DOCK8: variants seen among roughly 807,000 people sequenced by gnomAD.
The protein encoded by DOCK8 is dedicator of cytokinesis 8, also known as dedicator of cytokinesis protein 8.
In DOCK8, 141 loss-of-function variants were observed where a neutral mutation model predicts 245.6. The ratio of observed to expected loss-of-function variants is 0.57; its 90% CI spans 0.50 to 0.66. The LOEUF is 0.66. DOCK8 is among the 30% of genes least tolerant of loss of function. The pLI, the probability that DOCK8 is intolerant of heterozygous loss-of-function variation, is 0.00. For missense variants in DOCK8, 2,965 were observed against 2,603.4 expected, an observed-to-expected ratio of 1.14 and a Z score of -3.02; for synonymous variants, 1,168 against 970.2, an observed-to-expected ratio of 1.20 and a Z score of -3.79.
intron 6 of DOCK8, chr9:312,875 G>C: frequency 5.6e-6 from 1 of 179,576 alleles, no homozygotes; most frequent in Non-Finnish European, 1.2e-5. Flanking sequence ...CTACACTTCT[G>C]GGTCTTGCCA....
At chr9:275,325 A>G (rs1199432735) in intron 2 of DOCK8, among the ~76,000 whole-genome samples, 3 of 152,192 alleles carry the variant, frequency 2.0e-5, no homozygotes, top group African/African-American at 7.2e-5. Context: ...GGTAATGTAG[A>G]ATATACTGGC....
At chr9:273,530 G>C (rs893899509) in intron 2 of DOCK8, among the ~76,000 whole-genome samples, 2 of 152,132 alleles carry the variant, frequency 1.3e-5, no homozygotes, top group Admixed American at 1.3e-4. Context: ...TTTTAAACAA[G>C]GTAGAGGGTT....
chr9:235,853 G>C (rs572416525), intron 1 of DOCK8, among the ~76,000 whole-genome samples: 1 of 152,176 alleles, frequency 6.6e-6, no homozygotes, highest in Non-Finnish European at 1.5e-5. Context: ...GCACTTCCCG[G>C]GTGAGGTGAT....
chr9:430,414 G>A (rs945099668), intron 36 of DOCK8, among the ~76,000 whole-genome samples: 1 of 151,858 alleles, frequency 6.6e-6, no homozygotes, highest in African/African-American at 2.4e-5. Context: ...AGGTGCAGTG[G>A]CTCATGTCTG....
chr9:271,734 G>C lies in DOCK8; in HGVS notation c.156+5G>C. 1 of 1,545,386 alleles carries C rather than the reference G, an allele frequency of 6.5e-7. No individual in the cohort carries two copies. Among genetic ancestry groups the C allele is most frequent in the South Asian group, 1.2e-5 (1 of 83,858 alleles). On this transcript the variant is annotated splice_donor_5th_base_variant and intron_variant, in intron 2 of 47. Transcript: ENST00000432829. Reference sequence around the variant, plus strand: ...GGCTTCCCCTCTCTTCAACTAGTAAGTATGAGTTCCAGGTTTACTTAGCGA... The same window carrying C: ...GGCTTCCCCTCTCTTCAACTAGTAACTATGAGTTCCAGGTTTACTTAGCGA...
chr9:418,080 G>A lies in DOCK8; in HGVS notation c.3713G>A (p.Arg1238His), dbSNP rs767874435. ...GTTTTCATTGCAGTTGCAGATACTC[G>A]CAGATACCGCACCAGTGGCTCGGAT... is the stretch of plus-strand genomic sequence containing the variant. ...QLCDFTVADT[R>H]RYRTSGSDEE... Residue 1238 changes from arginine to histidine, a missense_variant, in exon 30 of 48, where the codon CGC (arginine) becomes CAC (histidine). Coordinates refer to ENST00000432829, the MANE Select transcript of DOCK8 (RefSeq NM_203447.4). 1.1e-5 allele frequency: 17 copies of A among 1,614,038 alleles called. No homozygotes were observed. The African/African-American group carries it at 1.1e-4, about 10-fold the overall frequency.
intron 1 of DOCK8, among the ~76,000 whole-genome samples, chr9:243,820 C>T (rs1235782221): frequency 1.3e-5 from 2 of 152,104 alleles, no homozygotes; most frequent in Non-Finnish European, 2.9e-5. Flanking sequence ...TTTTTCTTCA[C>T]AACTCCATCA....
At chr9:222,772 G>C (rs2046913114) in intron 1 of DOCK8, among the ~76,000 whole-genome samples, 1 of 152,136 alleles carries the variant, frequency 6.6e-6, no homozygotes, top group African/African-American at 2.4e-5. Flanking sequence ...AATGATAAAG[G>C]TAGATTGTTC....
intron 43 of DOCK8, 37 bp downstream of exon 43, chr9:443,553 TA>T (rs1432858953): frequency 1.3e-6 from 2 of 1,526,138 alleles, no homozygotes; most frequent in Admixed American, 1.7e-5. Flanking sequence ...CATCAAGCTC[TA>T]AATCCCTTCG....
chr9:458,485 A>T (rs1274191159), intron 46 of DOCK8: 1 of 152,194 alleles, frequency 6.6e-6, no homozygotes, highest in Non-Finnish European at 1.5e-5. Context: ...TGTCTGCCAC[A>T]CTGAGGAACC....
chr9:214,651 C>T (rs749083054), upstream of DOCK8: 428 of 1,608,988 alleles, frequency 2.7e-4, 4 homozygotes, highest in Non-Finnish European at 4.2e-5. Flanking sequence ...CGCCCGCGCT[C>T]CCTTCGGCCG....
chr9:273,532 T>C (rs2048224827), intron 2 of DOCK8, among the ~76,000 whole-genome samples: 1 of 152,126 alleles, frequency 6.6e-6, no homozygotes, highest in African/African-American at 2.4e-5. Context: ...TTAAACAAGG[T>C]AGAGGGTTTA....
chr9:298,743 T>C (rs1424700400), intron 4 of DOCK8, among the ~76,000 whole-genome samples: 1 of 151,972 alleles, frequency 6.6e-6, no homozygotes, highest in Non-Finnish European at 1.5e-5. Flanking sequence ...ATGCTAAAGC[T>C]GATATAGTTC....
At chr9:214,482 G>C, upstream of DOCK8, 1 of 1,591,814 alleles carries the variant, frequency 6.3e-7, no homozygotes, top group Non-Finnish European at 8.6e-7. Context: ...CTTCGAGAAT[G>C]GTGTCAACCC....
intron 33 of DOCK8, among the ~76,000 whole-genome samples, chr9:424,192 C>G (rs2056393062): frequency 6.6e-6 from 1 of 151,510 alleles, no homozygotes; most frequent in Non-Finnish European, 1.5e-5. Context: ...TATTTTGGCT[C>G]TGTTTCTTTT....
intron 43 of DOCK8, 77 bp downstream of exon 43, chr9:443,593 C>A (rs1045398034): frequency 8.5e-7 from 1 of 1,181,680 alleles, no homozygotes; most frequent in Non-Finnish European, 1.3e-6. Flanking sequence ...CTAATGATCT[C>A]ATCTATCTGG....
chr9:365,357 CATA>C (rs1195438826), intron 14 of DOCK8, among the ~76,000 whole-genome samples: 1 of 152,124 alleles, frequency 6.6e-6, no homozygotes, highest in Non-Finnish European at 1.5e-5. Context: ...AAATAATTAT[CATA>C]ATAACTATCA....
Position 275,273 on chromosome 9 carries a change from G to A in DOCK8, c.156+3544G>A, listed in dbSNP as rs59872186. On this transcript the variant is annotated intron_variant, in intron 2 of 47. Transcript: ENST00000432829. ...TAAAAGAAGATGATGAATAAAAGGT[G>A]ACTTCAGCTCTGAAGGGCTTTATGA... is the stretch of plus-strand genomic sequence containing the variant. Among the ~76,000 whole-genome samples, 341 of 152,322 alleles carry A rather than the reference G, an allele frequency of 2.2e-3. 1 individual carries two copies. The highest frequency in any genetic ancestry group is 7.3e-3 in the African/African-American group (305 of 41,574).
intron 9 of DOCK8, 115 bp from the exon 10 acceptor site, chr9:332,283 A>C: frequency 1.4e-6 from 1 of 717,592 alleles, no homozygotes; most frequent in Non-Finnish European, 2.4e-6. Context: ...TATGTATCAC[A>C]GATAGCTTCC....
Sources: gnomAD v4.1 joint callset for allele counts (sites outside exome capture counted in the v4.1 genomes callset) on GRCh38, gnomAD v4.1.1 for gene constraint, MANE v1.5 for transcripts, NCBI Gene and HGNC (gene_info 2026-07-23, HGNC 2026-07-21) for gene names.